ST6GAL2: variants seen among roughly 807,000 people sequenced by gnomAD.
ST6GAL2 encodes ST6 beta-galactoside alpha-2,6-sialyltransferase 2, also known as beta-galactoside alpha-2,6-sialyltransferase 2.
Under a neutral mutation model 37.5 loss-of-function variants are expected in ST6GAL2, and 24 were observed. The ratio of observed to expected loss-of-function variants is 0.64; its 90% CI spans 0.46 to 0.90. The LOEUF (loss-of-function observed/expected upper bound fraction) is 0.90. Ranked by LOEUF, ST6GAL2 falls within the 40% of genes least tolerant of loss-of-function variation. The pLI, the probability that ST6GAL2 is intolerant of heterozygous loss-of-function variation, is 0.00. For missense variants in ST6GAL2, 715 were observed against 712.7 expected (o/e 1.00, Z -0.04); for synonymous variants, 306 against 295.1 (o/e 1.04, Z -0.38).
chr2:106,883,793 A>G (rs1573335301), intron 1 of ST6GAL2, among the ~76,000 whole-genome samples: 1 of 152,210 alleles, frequency 6.6e-6, no homozygotes, highest in African/African-American at 2.4e-5. Context: ...ACATTTAAAG[A>G]GCAAATGCAT....
At chr2:106,842,141 C>T (rs929666272) in intron 2 of ST6GAL2, among the ~76,000 whole-genome samples, 1 of 152,176 alleles carries the variant, frequency 6.6e-6, no homozygotes, top group African/African-American at 2.4e-5. Context: ...CCTGAGTTTC[C>T]CATCTGCTGG....
At chr2:106,845,119 A>G (rs548751557) in intron 1 of ST6GAL2, among the ~76,000 whole-genome samples, 7 of 152,052 alleles carry the variant, frequency 4.6e-5, no homozygotes, top group Non-Finnish European at 8.8e-5. Flanking sequence ...AAATGATCTG[A>G]GCTTGTGTTT....
At chr2:106,885,608 T>A (rs77726932) in intron 1 of ST6GAL2, among the ~76,000 whole-genome samples, 17,336 of 152,008 alleles carry the variant, frequency 0.11, 1,187 homozygotes, top group African/African-American at 0.15. Flanking sequence ...AAAGAATGCA[T>A]CAAATATCCA....
At chr2:106,834,640 T>C (rs533503939) in intron 2 of ST6GAL2, 1 of 153,216 alleles carries the variant, frequency 6.5e-6, no homozygotes, top group South Asian at 2.1e-4. Flanking sequence ...AGATTCTGCA[T>C]GTAATGTTGA....
Position 106,803,442 on chromosome 2 carries a change from T to A in ST6GAL2, c.*3236A>T, listed in dbSNP as rs1476626822. The stretch of plus-strand genomic sequence containing the variant: ...AAAGTTCTCTGTAAGAGCAGCTCTA[T>A]AAGGACATAGTGAGAAAGGTCAGCT... On this transcript the variant is annotated 3_prime_UTR_variant, in exon 6 of 6. Coordinates refer to ENST00000409382, the MANE Select transcript of ST6GAL2 (RefSeq NM_001142351.2). The A allele has an allele frequency of 6.6e-6, 1 of 152,126 alleles. No individual in the cohort carries two copies. Among genetic ancestry groups the A allele is most frequent in the Non-Finnish European group, 1.5e-5 (1 of 68,048 alleles). 9.4% of individuals were successfully genotyped at this position (152,126 alleles called of 1,614,324 possible). A position where few individuals can be genotyped will look rare whatever the true frequency, so the allele number is the denominator to read the frequency against.
intron 1 of ST6GAL2, among the ~76,000 whole-genome samples, chr2:106,874,479 T>C (rs1421904556): frequency 4.6e-5 from 7 of 152,052 alleles, no homozygotes; most frequent in Non-Finnish European, 1.0e-4. Context: ...CGGTATGCAA[T>C]GGACGACGAC....
At chr2:106,866,681 TC>T (rs1327729605) in intron 1 of ST6GAL2, among the ~76,000 whole-genome samples, 1 of 152,188 alleles carries the variant, frequency 6.6e-6, no homozygotes, top group Non-Finnish European at 1.5e-5. Context: ...CTTTCTTATT[TC>T]CTTATATTGG....
intron 1 of ST6GAL2, among the ~76,000 whole-genome samples, chr2:106,861,189 T>C (rs554016377): frequency 6.6e-6 from 1 of 152,306 alleles, no homozygotes; most frequent in Admixed American, 6.5e-5. Flanking sequence ...AAATTGTGTG[T>C]CTCTGAGATG....
rs139995152 is a variant in ST6GAL2, at chr2:106,843,111, G to C, written c.867C>G (p.His289Gln). The C allele has an allele frequency of 1.3e-6, 2 of 1,562,016 alleles. No individual in the cohort carries two copies. Among genetic ancestry groups the C allele is most frequent in the East Asian group, 2.4e-5 (1 of 42,456 alleles). The change falls in exon 2 of 6, where the codon CAC becomes CAG. Residue 289 changes from histidine to glutamine, a missense_variant. His to Gln is a conservative substitution (Grantham distance 24). This residue lies in a region of ST6GAL2 where 512 missense variants were observed against 488.8 expected (regional missense o/e 1.05). Transcript: ENST00000409382. The stretch of plus-strand genomic sequence containing the variant: ...CAGCGCAGCTGCGCAGGCCGCGGGG[G>C]TGCAGCTGGCTCAGGGGCACGGCGG... ...LVPAVPLSQL[H>Q]PRGLRSCAVV...
chr2:106,842,994 G>A, intron 2 of ST6GAL2, 41 bp downstream of exon 2: 2 of 1,322,302 alleles, frequency 1.5e-6, no homozygotes, highest in East Asian at 5.8e-5. Flanking sequence ...GGGACACACT[G>A]GCTCAAGACA....
intron 5 of ST6GAL2, among the ~76,000 whole-genome samples, chr2:106,819,952 A>G (rs948658363): frequency 1.3e-5 from 2 of 152,122 alleles, no homozygotes; most frequent in African/African-American, 4.8e-5. Flanking sequence ...GGTAACCTCA[A>G]ATTGAAAAAC....
chr2:106,845,894 C>T (rs1205804315), intron 1 of ST6GAL2, among the ~76,000 whole-genome samples: 1 of 152,156 alleles, frequency 6.6e-6, no homozygotes, highest in East Asian at 1.9e-4. Flanking sequence ...TTTCCACTTT[C>T]TGCCTCTCAG....
intron 1 of ST6GAL2, among the ~76,000 whole-genome samples, chr2:106,867,294 T>A (rs1410870591): frequency 6.6e-6 from 1 of 152,152 alleles, no homozygotes; most frequent in Non-Finnish European, 1.5e-5. Flanking sequence ...TTCAGCCTTT[T>A]ATTTTAAACA....
chr2:106,861,243 A>G (rs931578970), intron 1 of ST6GAL2, among the ~76,000 whole-genome samples: 2 of 152,186 alleles, frequency 1.3e-5, no homozygotes, highest in Non-Finnish European at 2.9e-5. Context: ...TTTAATATCC[A>G]TATTAAACAA....
At chr2:106,837,048 C>A (rs1057303400) in intron 2 of ST6GAL2, among the ~76,000 whole-genome samples, 1 of 151,714 alleles carries the variant, frequency 6.6e-6, no homozygotes, top group African/African-American at 2.4e-5. Flanking sequence ...TGGTTCAAAG[C>A]TTGAATTTTA....
At chr2:106,833,659 G>A (rs1432794997) in intron 3 of ST6GAL2, among the ~76,000 whole-genome samples, 1 of 152,130 alleles carries the variant, frequency 6.6e-6, no homozygotes, top group East Asian at 1.9e-4. Flanking sequence ...AAGTTGCAAA[G>A]ATCTCCTATG....
chr2:106,878,826 A>G (rs1407960923), intron 1 of ST6GAL2, among the ~76,000 whole-genome samples: 3 of 152,154 alleles, frequency 2.0e-5, no homozygotes, highest in Non-Finnish European at 4.4e-5. Flanking sequence ...GGATGACTAT[A>G]TTTCTACATC....
chr2:106,856,615 T>C (rs761652003), intron 1 of ST6GAL2, among the ~76,000 whole-genome samples: 2 of 152,158 alleles, frequency 1.3e-5, no homozygotes, highest in Non-Finnish European at 2.9e-5. Flanking sequence ...TCACATCCTA[T>C]GATTGAGGAG....
At position 106,801,966 on chromosome 2, in the gene ST6GAL2, C is replaced by T. The variant is rs1675275420; in HGVS notation, c.*4712G>A. The T allele has an allele frequency of 6.6e-6, 1 of 152,046 alleles. No homozygotes were observed. The highest frequency in any genetic ancestry group is 1.5e-5 in the Non-Finnish European group (1 of 68,008). 9.4% of individuals were successfully genotyped at this position (152,046 alleles called of 1,614,324 possible). On this transcript the variant is annotated 3_prime_UTR_variant, in exon 6 of 6. Transcript: ENST00000409382. The stretch of plus-strand genomic sequence containing the variant: ...GCAAGAAGACTATTTTCCATAGAAC[C>T]AGTAAATGTTTCTTCTAATCTTTGA...
Sources: allele counts gnomAD v4.1 joint callset (sites outside exome capture counted in the v4.1 genomes callset), GRCh38; gene constraint gnomAD v4.1.1; regional missense constraint gnomAD v4.1.1; transcripts MANE v1.5; gene names NCBI Gene and HGNC (gene_info 2026-07-23, HGNC 2026-07-21).